CAST: variants seen among roughly 807,000 people sequenced by gnomAD.
CAST encodes MIR583 host.
Under a neutral mutation model 119.6 loss-of-function variants are expected in CAST, and 76 were observed. The observed-to-expected ratio is 0.64, with a 90% CI of 0.53 to 0.77. CAST has a LOEUF of 0.77. Among genes scored for constraint, CAST ranks in the 30% least tolerant of loss-of-function variants. CAST has a pLI of 0.00. For synonymous variants in CAST, 319 were observed against 331.6 expected (o/e 0.96, Z 0.41); for missense variants, 953 against 946.5 (o/e 1.01, Z -0.09).
chr5:96,486,435 A>G, the CAST span, among the ~76,000 whole-genome samples: 1 of 152,318 alleles, frequency 6.6e-6, no homozygotes, highest in African/African-American at 2.4e-5. Flanking sequence ...TACTAGGTAG[A>G]GTTTTGGCCT....
chr5:96,396,799 T>A, the CAST span, among the ~76,000 whole-genome samples: 2 of 152,232 alleles, frequency 1.3e-5, no homozygotes, highest in African/African-American at 4.8e-5. Flanking sequence ...TGTCAAAGAA[T>A]GTTAGTAAAC....
chr5:96,611,717 A>T (rs974914302), intron 1 of CAST, among the ~76,000 whole-genome samples: 1 of 152,120 alleles, frequency 6.6e-6, no homozygotes, highest in Non-Finnish European at 1.5e-5. Context: ...CTGACAAAGG[A>T]CTAATATTCA....
chr5:96,684,983 T>C (rs1306411778), intron 2 of CAST, among the ~76,000 whole-genome samples: 2 of 146,490 alleles, frequency 1.4e-5, no homozygotes, highest in African/African-American at 5.3e-5. Context: ...CAAAATGTTG[T>C]ATCATTGGAT....
At chr5:96,276,189 C>T in the CAST span, among the ~76,000 whole-genome samples, 1 of 152,198 alleles carries the variant, frequency 6.6e-6, no homozygotes, top group East Asian at 1.9e-4. Flanking sequence ...CTGATTTTCT[C>T]CCTCTCCTTG....
the CAST span, among the ~76,000 whole-genome samples, chr5:96,013,700 T>C: frequency 6.6e-6 from 1 of 152,174 alleles, no homozygotes; most frequent in Non-Finnish European, 1.5e-5. Flanking sequence ...ACCTGTGCAG[T>C]ATTTTATTGC....
intron 22 of CAST, 79 bp from the exon 23 acceptor site, chr5:96,757,365 C>T: frequency 7.8e-7 from 1 of 1,281,244 alleles, no homozygotes; most frequent in Non-Finnish European, 1.1e-6. Context: ...CCTGTAGACC[C>T]TTTGTAATGT....
intron 2 of CAST, among the ~76,000 whole-genome samples, chr5:96,689,638 T>C (rs1752495359): frequency 6.6e-6 from 1 of 152,162 alleles, no homozygotes; most frequent in South Asian, 2.1e-4. Flanking sequence ...GATAAGGAAA[T>C]TGAGGCACAG....
the CAST span, among the ~76,000 whole-genome samples, chr5:96,247,592 G>C: frequency 1.5e-4 from 23 of 152,212 alleles, 1 homozygote; most frequent in Non-Finnish European, 2.2e-4. Context: ...TCAGAACACT[G>C]ACTTTTTCTT....
the CAST span, among the ~76,000 whole-genome samples, chr5:96,356,962 G>T: frequency 1.3e-5 from 2 of 152,144 alleles, no homozygotes; most frequent in Admixed American, 1.3e-4. Flanking sequence ...TCCTATCCTT[G>T]AGCATGAAAT....
chr5:96,411,008 A>G, the CAST span: 6 of 1,534,594 alleles, frequency 3.9e-6, no homozygotes, highest in East Asian at 2.2e-5. Context: ...GCCAGAATGC[A>G]TATTATCTGT....
chr5:96,627,008 C>T (rs12153149), intron 1 of CAST, among the ~76,000 whole-genome samples: 4,430 of 152,228 alleles, frequency 0.029, 94 homozygotes, highest in Non-Finnish European at 0.045. Context: ...AATAAGTATA[C>T]AGACATCATT....
chr5:96,490,368 G>GTGTA, the CAST span, among the ~76,000 whole-genome samples: 6 of 151,954 alleles, frequency 3.9e-5, no homozygotes, highest in East Asian at 1.2e-3. Context: ...GTGTGTGTGT[G>GTGTA]TGTGTGTGTG....
the CAST span, among the ~76,000 whole-genome samples, chr5:96,363,635 TTGTC>T: frequency 6.6e-6 from 1 of 152,166 alleles, no homozygotes; most frequent in Admixed American, 6.6e-5. Flanking sequence ...GGCTCTCTGT[TTGTC>T]TGTTATTGGT....
At chr5:96,497,613 G>A in the CAST span, among the ~76,000 whole-genome samples, 3 of 152,034 alleles carry the variant, frequency 2.0e-5, no homozygotes, top group Non-Finnish European at 4.4e-5. Context: ...GATTGCCAGT[G>A]ATGATGAGCA....
chr5:96,028,350 A>T, the CAST span, among the ~76,000 whole-genome samples: 1 of 152,080 alleles, frequency 6.6e-6, no homozygotes, highest in African/African-American at 2.4e-5. Flanking sequence ...CAAAATTTGT[A>T]TGGAATAATA....
At chr5:96,639,957 C>CCAT (rs1747931045) in intron 1 of CAST, among the ~76,000 whole-genome samples, 1 of 152,114 alleles carries the variant, frequency 6.6e-6, no homozygotes, top group South Asian at 2.1e-4. Flanking sequence ...GTACTATTTG[C>CCAT]CATCTCCTCT....
the CAST span, among the ~76,000 whole-genome samples, chr5:96,250,251 G>A: frequency 6.6e-6 from 1 of 152,102 alleles, no homozygotes; most frequent in African/African-American, 2.4e-5. Context: ...ATATAAAAAA[G>A]GGTGTTCATT....
At chr5:96,225,629 C>A in the CAST span, among the ~76,000 whole-genome samples, 1 of 152,128 alleles carries the variant, frequency 6.6e-6, no homozygotes, top group East Asian at 1.9e-4. Context: ...ACCCACCTTA[C>A]TAATGTATAT....
intron 1 of CAST, among the ~76,000 whole-genome samples, chr5:96,602,302 C>T (rs552521246): frequency 1.3e-5 from 2 of 152,320 alleles, no homozygotes; most frequent in African/African-American, 4.8e-5. Flanking sequence ...TTTCACAAAC[C>T]TTTACATTTC....
Sources: gnomAD v4.1 joint callset for allele counts (sites outside exome capture counted in the v4.1 genomes callset) on GRCh38, gnomAD v4.1.1 for gene constraint, MANE v1.5 for transcripts, NCBI Gene and HGNC (gene_info 2026-07-23, HGNC 2026-07-21) for gene names.